PAN3: variants seen among roughly 807,000 people sequenced by gnomAD.
PAN3 encodes PAN2-PAN3 deadenylation complex subunit PAN3.
Under a neutral mutation model 96.2 loss-of-function variants are expected in PAN3, and 19 were observed. That is an observed-to-expected ratio of 0.20 (90% CI 0.14 to 0.29). The LOEUF (loss-of-function observed/expected upper bound fraction) is 0.29. Ranked by LOEUF, PAN3 falls within the 10% of genes least tolerant of loss-of-function variation. PAN3 has a pLI of 1.00. For synonymous variants in PAN3, 433 were observed against 406.6 expected, an observed-to-expected ratio of 1.06 and a Z score of -0.78; for missense variants, 882 against 1,108.1, an observed-to-expected ratio of 0.80 and a Z score of 2.90.
intron 6 of PAN3, among the ~76,000 whole-genome samples, chr13:28,249,346 A>T (rs1237315612): frequency 2.6e-5 from 4 of 152,144 alleles, no homozygotes; most frequent in African/African-American, 9.7e-5. Flanking sequence ...GTTATATATT[A>T]TGTTTCTGTT....
chr13:28,269,949 A>G (rs1009035173), intron 12 of PAN3, among the ~76,000 whole-genome samples: 2 of 152,180 alleles, frequency 1.3e-5, no homozygotes, highest in Non-Finnish European at 2.9e-5. Flanking sequence ...TAAGATCAGC[A>G]GGGTGTAGGG....
intron 6 of PAN3, among the ~76,000 whole-genome samples, chr13:28,223,135 T>G (rs1881579273): frequency 6.6e-6 from 1 of 152,214 alleles, no homozygotes; most frequent in South Asian, 2.1e-4. Context: ...AAAAATTTGT[T>G]TTGATCACTT....
chr13:28,286,525 G>A (rs1402836766), intron 17 of PAN3, among the ~76,000 whole-genome samples: 2 of 152,078 alleles, frequency 1.3e-5, no homozygotes, highest in Admixed American at 1.3e-4. Context: ...TCTGAGCTAC[G>A]CCAGTGTGGG....
Position 28,274,763 on chromosome 13 carries a change from T to C in PAN3, c.2050-2474T>C, listed in dbSNP as rs1000077781. 4.6e-5 allele frequency among the ~76,000 whole-genome samples: 7 copies of C among 152,276 alleles called. No individual in the cohort carries two copies. In the East Asian group the frequency reaches 7.7e-4, roughly 17 times the overall value. On this transcript the variant is annotated intron_variant, in intron 14 of 18. Transcript: ENST00000380958. ...TTAAAGGATATATATCAGGCTTTCT[T>C]TTTTTGGGTATATATGTGTAGCTGA...
intron 1 of PAN3, among the ~76,000 whole-genome samples, chr13:28,154,946 G>A (rs559690729): frequency 1.2e-3 from 180 of 150,304 alleles, no homozygotes; most frequent in African/African-American, 4.2e-3. Context: ...TCAGCCTCCC[G>A]AGTAGCTGGG....
rs372521432 is a variant in PAN3, at chr13:28,256,448, C to T, written c.1157C>T (p.Thr386Ile). 26 of 1,613,876 alleles carry T rather than the reference C, an allele frequency of 1.6e-5. No individual in the cohort carries two copies. The highest frequency in any genetic ancestry group is 1.6e-4 in the Middle Eastern group (1 of 6,084). ...STSVNNPVSQ[T>I]PSSGQVIQKE... Reference sequence around the variant, plus strand: ...TCTGTTAATAATCCTGTTTCTCAGACTCCGTCTTCTGGTCAGGTGATCCAA... The same window carrying T: ...TCTGTTAATAATCCTGTTTCTCAGATTCCGTCTTCTGGTCAGGTGATCCAA... Residue 386 changes from threonine to isoleucine, a missense_variant, in exon 7 of 19, where the codon ACT becomes ATT. Thr to Ile is a moderately conservative substitution (Grantham distance 89). Transcript: ENST00000380958.
intron 4 of PAN3, among the ~76,000 whole-genome samples, chr13:28,188,318 G>A (rs1375353978): frequency 6.6e-6 from 1 of 152,018 alleles, no homozygotes; most frequent in East Asian, 1.9e-4. Flanking sequence ...TGATACTTTA[G>A]CATATCTGCA....
rs71086844 is a variant in PAN3 at position 28,293,387 on chromosome 13, G to GTTTTTTTTTTTTTTT, written c.*880_*894dup. On this transcript the variant is annotated 3_prime_UTR_variant, in exon 19 of 19. Coordinates refer to ENST00000380958, the MANE Select transcript of PAN3 (RefSeq NM_175854.8). ...ACTTTAGGTTCTTTCCAGTTTGCTG[G>GTTTTTTTTTTTTTTT]TTTTTTTTTTTTTTTTTTTTTTTTT... is the stretch of plus-strand genomic sequence containing the variant. 13 of 21,364 alleles carry GTTTTTTTTTTTTTTT rather than the reference G, an allele frequency of 6.1e-4. 1 individual carries two copies. Among genetic ancestry groups the GTTTTTTTTTTTTTTT allele is most frequent in the African/African-American group, 1.8e-3 (9 of 4,976 alleles). The allele number at this position is 21,364 out of a possible 1,614,324, so 1.3% of individuals were successfully genotyped here.
At chr13:28,287,065 T>C (rs1869076248) in intron 17 of PAN3, among the ~76,000 whole-genome samples, 1 of 152,174 alleles carries the variant, frequency 6.6e-6, no homozygotes, top group African/African-American at 2.4e-5. Flanking sequence ...TCTTTTCTTC[T>C]CTTTTCTCCC....
chr13:28,175,178 A>C lies in PAN3; in HGVS notation c.552+785A>C, dbSNP rs546146445. The stretch of plus-strand genomic sequence containing the variant: ...TCCTTTCTAGTTTCTGTGATGTACT[A>C]CTGGATGGTTTTCTCCATTATTACA... On this transcript the variant is annotated intron_variant, in intron 2 of 18. Coordinates refer to ENST00000380958, the MANE Select transcript of PAN3 (RefSeq NM_175854.8). Among the ~76,000 whole-genome samples the C allele has an allele frequency of 2.2e-4, 33 of 152,312 alleles. No individual in the cohort carries two copies. The South Asian group carries it at 5.4e-3, about 25-fold the overall frequency.
intron 4 of PAN3, 69 bp from the exon 5 acceptor site, chr13:28,197,116 A>T: frequency 6.6e-7 from 1 of 1,513,158 alleles, no homozygotes; most frequent in South Asian, 1.3e-5. Flanking sequence ...TGTATATGTT[A>T]GTTATGTTAG....
At chr13:28,233,485 T>G (rs895930995) in intron 6 of PAN3, among the ~76,000 whole-genome samples, 1 of 152,140 alleles carries the variant, frequency 6.6e-6, no homozygotes, top group African/African-American at 2.4e-5. Flanking sequence ...CAGGCTGGTC[T>G]CAGACTCCTG....
chr13:28,146,552 G>GATGGT (rs1288255942), intron 1 of PAN3, among the ~76,000 whole-genome samples: 4 of 152,280 alleles, frequency 2.6e-5, no homozygotes, highest in African/African-American at 9.6e-5. Flanking sequence ...CCCAAACCTA[G>GATGGT]ATGGTATAGC....
At chr13:28,155,942 G>A (rs1872098931) in intron 1 of PAN3, among the ~76,000 whole-genome samples, 1 of 152,000 alleles carries the variant, frequency 6.6e-6, no homozygotes, top group Non-Finnish European at 1.5e-5. Context: ...ATGGAGAGTG[G>A]TACCAGATAA....
intron 1 of PAN3, among the ~76,000 whole-genome samples, chr13:28,166,393 C>G (rs1190567567): frequency 6.6e-6 from 1 of 152,194 alleles, no homozygotes; most frequent in South Asian, 2.1e-4. Flanking sequence ...CTTTTCTTGC[C>G]TTCTGGACAC....
chr13:28,194,191 A>G (rs1877682217), intron 4 of PAN3, among the ~76,000 whole-genome samples: 1 of 151,618 alleles, frequency 6.6e-6, no homozygotes, highest in Admixed American at 6.6e-5. Flanking sequence ...AAAAAAAAGT[A>G]CATCTGAATT....
chr13:28,254,054 A>C (rs1566231323), intron 6 of PAN3, among the ~76,000 whole-genome samples: 1 of 152,270 alleles, frequency 6.6e-6, no homozygotes, highest in African/African-American at 2.4e-5. Flanking sequence ...CCCTTCAGCC[A>C]ATGCTACACA....
chr13:28,195,498 T>C (rs1877939962), intron 4 of PAN3, among the ~76,000 whole-genome samples: 1 of 152,198 alleles, frequency 6.6e-6, no homozygotes, highest in South Asian at 2.1e-4. Context: ...TAGTTATTTT[T>C]GTCCTTGTTT....
At chr13:28,191,066 G>C (rs1877196644) in intron 4 of PAN3, among the ~76,000 whole-genome samples, 1 of 152,302 alleles carries the variant, frequency 6.6e-6, no homozygotes. Context: ...GTGTTCATAA[G>C]GTTGGTCTAG....
Sources: gnomAD v4.1 joint callset for allele counts (sites outside exome capture counted in the v4.1 genomes callset) on GRCh38, gnomAD v4.1.1 for gene constraint, MANE v1.5 for transcripts, NCBI Gene and HGNC (gene_info 2026-07-23, HGNC 2026-07-21) for gene names.